The following NAALADL2 variants were observed in gnomAD, a reference collection of about 807,000 sequenced individuals.
The protein encoded by NAALADL2 is inactive N-acetylated-alpha-linked acidic dipeptidase-like protein 2.
A neutral mutation model predicts 87.2 loss-of-function variants in NAALADL2; 76 were observed. The observed-to-expected ratio is 0.87, with a 90% confidence interval of 0.72 to 1.05. The LOEUF (loss-of-function observed/expected upper bound fraction) is 1.05. NAALADL2 is among the 50% of genes least tolerant of loss of function. The probability of loss-of-function intolerance (pLI) is 0.00; values close to 1 mark genes in which losing one functional copy is unlikely to be tolerated. For missense variants in NAALADL2, 1,089 were observed against 945.8 expected (o/e 1.15, Z -1.99); for synonymous variants, 354 against 331.0 (o/e 1.07, Z -0.75).
In NAALADL2 at chr3:174,791,534, T is replaced by C. The variant is rs75633837; in HGVS notation, c.-9+53788T>C. ...GGAACTGTGAGAAATACATTTCTGT[T>C]GTTTATGAGCTACTCAGTTTATAGT... On this transcript the variant is annotated intron_variant, in intron 3 of 3. Coordinates refer to the NAALADL2 transcript ENST00000434257. Among the ~76,000 whole-genome samples the C allele has an allele frequency of 7.2e-3, 1,102 of 152,320 alleles. 15 individuals are homozygous for C. Among genetic ancestry groups the C allele is most frequent in the African/African-American group, 0.025 (1,056 of 41,580 alleles).
rs75152711 is a variant in NAALADL2 at position 175,649,603 on chromosome 3, A to G, written c.1896+22217A>G. 6.7e-3 allele frequency among the ~76,000 whole-genome samples: 1,016 copies of G among 152,192 alleles called. 10 individuals are homozygous for G. Among genetic ancestry groups the G allele is most frequent in the African/African-American group, 0.023 (972 of 41,526 alleles). ...GGTTGCAGATGGCTGCCTCCTCATCAAGTGCTCACATGGCCTTTCCTCAGT... is the reference window on the plus strand; with the variant it reads ...GGTTGCAGATGGCTGCCTCCTCATCGAGTGCTCACATGGCCTTTCCTCAGT... On this transcript the variant is annotated intron_variant, in intron 11 of 13. Transcript: ENST00000454872.
chr3:175,462,088 T>A (rs1723228239), intron 6 of NAALADL2, among the ~76,000 whole-genome samples: 1 of 152,170 alleles, frequency 6.6e-6, no homozygotes, highest in Admixed American at 6.5e-5. Context: ...TGAATACCAA[T>A]GTAAACTATG....
rs539124560 is a variant in NAALADL2 at position 174,518,520 on chromosome 3, C to G, written c.-183-32049C>G. Among the ~76,000 whole-genome samples the G allele has an allele frequency of 4.6e-5, 7 of 152,266 alleles. No homozygotes were observed. In the South Asian group the frequency reaches 1.4e-3, roughly 32 times the overall value. On this transcript the variant is annotated intron_variant, in intron 1 of 3. Transcript: ENST00000434257. Reference sequence around the variant, plus strand: ...ATCACATTTGAGATAGAGAAATGATCTTACTATAAAGTAAATCACAACCCT... The same window carrying G: ...ATCACATTTGAGATAGAGAAATGATGTTACTATAAAGTAAATCACAACCCT...
chr3:175,230,390 A>G (rs1053522714), intron 2 of NAALADL2, among the ~76,000 whole-genome samples: 3 of 152,186 alleles, frequency 2.0e-5, no homozygotes, highest in South Asian at 2.1e-4. Flanking sequence ...CTAGGATAAA[A>G]TATGTGCCAC....
intron 1 of NAALADL2, among the ~76,000 whole-genome samples, chr3:174,469,534 T>C (rs1193878357): frequency 1.3e-5 from 2 of 152,004 alleles, no homozygotes; most frequent in East Asian, 3.9e-4. Flanking sequence ...GTTCACGCCA[T>C]TCTCCTGCCT....
rs1382530298 is a variant in NAALADL2 at position 174,786,472 on chromosome 3, A to G, written c.-9+48726A>G. On this transcript the variant is annotated intron_variant, in intron 3 of 3. Coordinates refer to the NAALADL2 transcript ENST00000434257. ...CTCAAAAAAAAAAAAAAAAATAATA[A>G]ATAAATGAAAAGGAGAAAAAAAAGA... Among the ~76,000 whole-genome samples the G allele has an allele frequency of 2.3e-4, 34 of 144,798 alleles. No individual in the cohort carries two copies. In the East Asian group the frequency reaches 2.6e-3, roughly 11 times the overall value. The allele number at this position is 144,798 out of a possible 152,430, so 95.0% of individuals were successfully genotyped here. A position where few individuals can be genotyped will look rare whatever the true frequency, so the allele number is the denominator to read the frequency against.
rs765476418 is a variant in NAALADL2, at chr3:174,938,784, T to A, written c.43+79334T>A. 7.3e-4 allele frequency among the ~76,000 whole-genome samples: 111 copies of A among 152,096 alleles called. 3 individuals are homozygous for A. Among genetic ancestry groups the A allele is most frequent in the Admixed American group, 1.8e-3 (28 of 15,246 alleles). On this transcript the variant is annotated intron_variant, in intron 1 of 13. Transcript: ENST00000454872. ...CTCTAATGATTAGTGAAATTGGGCT[T>A]TTTTTTACATGCTTGTTGATCACAT...
chr3:174,572,055 T>C (rs1422439402), intron 2 of NAALADL2, among the ~76,000 whole-genome samples: 1 of 152,158 alleles, frequency 6.6e-6, no homozygotes, highest in Non-Finnish European at 1.5e-5. Flanking sequence ...AGGAAAATAT[T>C]ACAGGCCAAA....
chr3:174,500,763 A>C (rs938133615), intron 1 of NAALADL2, among the ~76,000 whole-genome samples: 1 of 151,992 alleles, frequency 6.6e-6, no homozygotes, highest in Non-Finnish European at 1.5e-5. Flanking sequence ...ATGGTGAATT[A>C]TATTGATTAC....
chr3:175,791,610 G>C (rs1002405864), intron 13 of NAALADL2, among the ~76,000 whole-genome samples: 1 of 152,050 alleles, frequency 6.6e-6, no homozygotes, highest in Non-Finnish European at 1.5e-5. Context: ...GTGGCAGTGG[G>C]GGTATCTCAA....
chr3:175,250,804 C>T (rs1215694787), intron 3 of NAALADL2, among the ~76,000 whole-genome samples: 1 of 152,202 alleles, frequency 6.6e-6, no homozygotes, highest in African/African-American at 2.4e-5. Flanking sequence ...GTTCCTAGCA[C>T]ATAATAGGAG....
intron 1 of NAALADL2, among the ~76,000 whole-genome samples, chr3:174,891,389 C>T (rs1730855830): frequency 6.6e-6 from 1 of 151,888 alleles, no homozygotes. Flanking sequence ...CTTTGTATCC[C>T]TGAAAGAAGA....
At chr3:175,237,080 T>C (rs1052493507) in intron 3 of NAALADL2, among the ~76,000 whole-genome samples, 4 of 152,126 alleles carry the variant, frequency 2.6e-5, no homozygotes, top group African/African-American at 9.7e-5. Context: ...AATTTTTTAG[T>C]TTAAAATATA....
rs1008001929 is a variant in NAALADL2, at chr3:175,192,503, T to A, written c.546-41428T>A. Among the ~76,000 whole-genome samples, 12 of 152,176 alleles carry A rather than the reference T, an allele frequency of 7.9e-5. 1 individual carries two copies. Among genetic ancestry groups the A allele is most frequent in the Admixed American group, 2.0e-4 (3 of 15,298 alleles). The stretch of plus-strand genomic sequence containing the variant: ...AAGTCTGTTTAATGTATTTGTGTTG[T>A]CATTTTCTAGATTAGCAGCTAAAAT... On this transcript the variant is annotated intron_variant, in intron 2 of 13. Coordinates refer to ENST00000454872, the MANE Select transcript of NAALADL2 (RefSeq NM_207015.3).
chr3:175,438,762 T>C (rs577054658), intron 5 of NAALADL2, among the ~76,000 whole-genome samples: 1 of 152,270 alleles, frequency 6.6e-6, no homozygotes, highest in African/African-American at 2.4e-5. Flanking sequence ...TTTTTATCCT[T>C]GCACCACCAA....
chr3:175,597,200 G>GAA (rs1722361838), intron 10 of NAALADL2, among the ~76,000 whole-genome samples: 1 of 151,998 alleles, frequency 6.6e-6, no homozygotes, highest in South Asian at 2.1e-4. Context: ...CAAATAGAGT[G>GAA]AATGTTTATT....
chr3:175,007,876 A>AT (rs933265252), intron 1 of NAALADL2, among the ~76,000 whole-genome samples: 6 of 152,070 alleles, frequency 3.9e-5, no homozygotes, highest in African/African-American at 1.4e-4. Flanking sequence ...CTTTGGGTCC[A>AT]TTGTTAAATA....
intron 1 of NAALADL2, among the ~76,000 whole-genome samples, chr3:174,936,296 T>C (rs938251681): frequency 6.6e-6 from 1 of 152,062 alleles, no homozygotes; most frequent in African/African-American, 2.4e-5. Flanking sequence ...TAAAGTATTA[T>C]TTACTTTGTA....
intron 4 of NAALADL2, among the ~76,000 whole-genome samples, chr3:175,309,981 A>G (rs1273284123): frequency 6.6e-6 from 1 of 152,176 alleles, no homozygotes; most frequent in East Asian, 1.9e-4. Flanking sequence ...TCATCTGCTA[A>G]TGTTGCTGGC....
Sources: gnomAD v4.1 joint callset for allele counts (sites outside exome capture counted in the v4.1 genomes callset) on GRCh38, gnomAD v4.1.1 for gene constraint, MANE v1.5 for transcripts, NCBI Gene and HGNC (gene_info 2026-07-23, HGNC 2026-07-21) for gene names.